The following PREX1 variants were observed in gnomAD, a reference collection of about 807,000 sequenced individuals.
The protein encoded by PREX1 is phosphatidylinositol 3,4,5-trisphosphate-dependent Rac exchanger 1 protein.
Under a neutral mutation model 198.3 loss-of-function variants are expected in PREX1, and 41 were observed. That is an observed-to-expected ratio of 0.21 (90% CI 0.16 to 0.27). PREX1 has a LOEUF of 0.27. Among genes scored for constraint, PREX1 ranks in the 10% least tolerant of loss-of-function variants. The pLI is 1.00. For synonymous variants in PREX1, 843 were observed against 887.2 expected, an observed-to-expected ratio of 0.95 and a Z score of 0.89; for missense variants, 1,620 against 2,200.7, an observed-to-expected ratio of 0.74 and a Z score of 5.28.
chr20:48,798,259 T>G (rs1456701028), intron 1 of PREX1, among the ~76,000 whole-genome samples: 5 of 151,978 alleles, frequency 3.3e-5, no homozygotes, highest in Admixed American at 6.6e-5. Flanking sequence ...CCAATTCAAG[T>G]CCAACCCAGC....
chr20:48,659,531 A>T (rs1426408337), intron 16 of PREX1, among the ~76,000 whole-genome samples: 4 of 152,090 alleles, frequency 2.6e-5, no homozygotes, highest in Admixed American at 6.5e-5. Context: ...TTCAGCTCCA[A>T]CCCTGGCAGT....
chr20:48,759,595 C>T (rs1238740644), intron 1 of PREX1, among the ~76,000 whole-genome samples: 1 of 147,994 alleles, frequency 6.8e-6, no homozygotes, highest in Non-Finnish European at 1.5e-5. Context: ...AGAAATACTA[C>T]AGGCAAAGCA....
intron 1 of PREX1, among the ~76,000 whole-genome samples, chr20:48,810,699 C>A (rs1317644848): frequency 6.6e-6 from 1 of 151,484 alleles, no homozygotes; most frequent in African/African-American, 2.4e-5. Flanking sequence ...CCAGCCTGGC[C>A]AACATAGCAA....
At chr20:48,796,502 CG>C (rs1568867400) in intron 1 of PREX1, among the ~76,000 whole-genome samples, 1 of 152,024 alleles carries the variant, frequency 6.6e-6, no homozygotes, top group East Asian at 1.9e-4. Context: ...TGTATGACAC[CG>C]GGGCCAGTGG....
the PREX1 span, among the ~76,000 whole-genome samples, chr20:48,873,833 CT>C: frequency 6.6e-6 from 1 of 152,174 alleles, no homozygotes; most frequent in African/African-American, 2.4e-5. Context: ...CATCTTCCCC[CT>C]ACTCCCTAGA....
Position 48,650,068 on chromosome 20 carries a change from G to T in PREX1, c.2956C>A (p.Pro986Thr), listed in dbSNP as rs1403067660. The change falls in exon 24 of 40, where the codon CCC becomes ACC. Residue 986 changes from proline to threonine, a missense_variant. Around this residue, in one of 7 missense-constraint regions of PREX1, gnomAD observed 514 missense variants for 611.6 expected, o/e 0.84. Coordinates refer to ENST00000371941, the MANE Select transcript of PREX1 (RefSeq NM_020820.4). ...LMEVSYPKTT[P>T]SVGRSFSIRF... Reference sequence around the variant, plus strand: ...ATGCTGAAGGACCTGCCCACTGAGGGGGTGGTCTTGGGGTAGGACACTTCC... The same window carrying T: ...ATGCTGAAGGACCTGCCCACTGAGGTGGTGGTCTTGGGGTAGGACACTTCC... 2 of 1,614,246 alleles carry T rather than the reference G, an allele frequency of 1.2e-6. No homozygotes were observed. The highest frequency in any genetic ancestry group is 2.2e-5 in the South Asian group (2 of 91,086).
chr20:48,876,986 T>C, the PREX1 span, among the ~76,000 whole-genome samples: 1 of 152,056 alleles, frequency 6.6e-6, no homozygotes, highest in African/African-American at 2.4e-5. Flanking sequence ...GTATGATATA[T>C]AGGCCGGGCG....
intron 13 of PREX1, 49 bp from the exon 14 acceptor site, chr20:48,676,317 G>A (rs1601067919): frequency 6.4e-7 from 1 of 1,568,542 alleles, no homozygotes; most frequent in African/African-American, 1.3e-5. Flanking sequence ...GGGGAGGACA[G>A]AGGTGGGGGT....
chr20:48,681,498 G>A (rs2089750372), intron 10 of PREX1, among the ~76,000 whole-genome samples, 163 bp from the exon 11 acceptor site: 1 of 152,194 alleles, frequency 6.6e-6, no homozygotes, highest in African/African-American at 2.4e-5. Context: ...TTGTACTGAG[G>A]CTTCATGCTT....
the PREX1 span, among the ~76,000 whole-genome samples, chr20:48,862,807 A>ATATATATATATATG: frequency 5.5e-4 from 69 of 126,592 alleles, no homozygotes; most frequent in African/African-American, 2.0e-3. Context: ...ATATATATAT[A>ATATATATATATATG]TATATACTAA....
chr20:48,719,350 A>C (rs2123112308), intron 5 of PREX1, among the ~76,000 whole-genome samples: 1 of 152,238 alleles, frequency 6.6e-6, no homozygotes, highest in Admixed American at 6.5e-5. Context: ...GTTAGTGCTC[A>C]CCACACAGGA....
In PREX1 at chr20:48,651,456, G is replaced by C. The variant is rs754071526; in HGVS notation, c.2595C>G (p.Val865=). The C allele has an allele frequency of 6.2e-7, 1 of 1,614,022 alleles. No homozygotes were observed. Among genetic ancestry groups the C allele is most frequent in the South Asian group, 1.1e-5 (1 of 91,074 alleles). The change falls in exon 22 of 40, where the codon GTC becomes GTG. Residue 865 remains valine (V), a synonymous_variant. Transcript: ENST00000371941. ...VVYEYVSTAG[V]RCHVLEKIVE... is the part of the protein sequence containing the mutation. ...CGATCTTCTCCAGCACATGGCACCTGACGCCTGCCGTGCTCACATACTCAT... is the reference window on the plus strand; with the variant it reads ...CGATCTTCTCCAGCACATGGCACCTCACGCCTGCCGTGCTCACATACTCAT...
chr20:48,746,279 T>G (rs1317081429), intron 2 of PREX1, among the ~76,000 whole-genome samples: 2 of 152,230 alleles, frequency 1.3e-5, no homozygotes, highest in East Asian at 3.8e-4. Flanking sequence ...TGCCTCAGCC[T>G]CCCAAAGTGC....
At chr20:48,865,599 C>G in the PREX1 span, among the ~76,000 whole-genome samples, 68 of 152,344 alleles carry the variant, frequency 4.5e-4, no homozygotes, top group African/African-American at 1.6e-3. Flanking sequence ...GGGAGTTCCT[C>G]CACAAGAGCT....
intron 25 of PREX1, among the ~76,000 whole-genome samples, chr20:48,646,298 C>T (rs2089450546): frequency 6.6e-6 from 1 of 152,208 alleles, no homozygotes. Flanking sequence ...GTCTCAGTGA[C>T]AACCATTCAA....
chr20:48,677,365 A>G (rs1315505250), intron 13 of PREX1, among the ~76,000 whole-genome samples: 1 of 138,798 alleles, frequency 7.2e-6, no homozygotes, highest in Non-Finnish European at 1.5e-5. Context: ...GAGAGGTGAT[A>G]AGAGCTATCA....
intron 1 of PREX1, among the ~76,000 whole-genome samples, chr20:48,823,856 C>G (rs949609167): frequency 1.3e-5 from 2 of 152,192 alleles, no homozygotes; most frequent in African/African-American, 2.4e-5. Flanking sequence ...GGATCAAATC[C>G]TGGCAATGCT....
chr20:48,767,042 G>A (rs2122864628), intron 1 of PREX1, among the ~76,000 whole-genome samples: 1 of 152,294 alleles, frequency 6.6e-6, no homozygotes, highest in East Asian at 1.9e-4. Context: ...TGCTGACCTG[G>A]TTGCCAAATG....
At chr20:48,768,141 A>G (rs1417743620) in intron 1 of PREX1, among the ~76,000 whole-genome samples, 4 of 152,160 alleles carry the variant, frequency 2.6e-5, no homozygotes, top group Non-Finnish European at 5.9e-5. Context: ...TTCCATTCCT[A>G]TGTATGTAAC....
Sources: allele counts gnomAD v4.1 joint callset (sites outside exome capture counted in the v4.1 genomes callset), GRCh38; gene constraint gnomAD v4.1.1; regional missense constraint gnomAD v4.1.1; transcripts MANE v1.5; gene names NCBI Gene and HGNC (gene_info 2026-07-23, HGNC 2026-07-21).